RASSF10: variants seen among roughly 807,000 people sequenced by gnomAD.
The protein encoded by RASSF10 is ras association domain-containing protein 10.
RASSF10 carries 22 observed loss-of-function variants against 41.5 expected under a neutral mutation model. The ratio of observed to expected loss-of-function variants is 0.53; its 90% CI spans 0.38 to 0.76. The LOEUF (loss-of-function observed/expected upper bound fraction) is 0.76, where lower values mean the gene tolerates loss of function less well. RASSF10 is among the 30% of genes least tolerant of loss of function. The pLI, the probability that RASSF10 is intolerant of heterozygous loss-of-function variation, is 0.00. For missense variants in RASSF10, 776 were observed against 711.8 expected, an observed-to-expected ratio of 1.09 and a Z score of -1.03; for synonymous variants, 364 against 319.0, an observed-to-expected ratio of 1.14 and a Z score of -1.50.
rs1480100963 is a variant in RASSF10 at position 13,009,425 on chromosome 11, G to A, written c.-152G>A. ...CACAGCCGCAGTCGCTTTCCAGCCT[G>A]CCTTCGGTGCGCAGCGGGGGAACAG... On this transcript the variant is annotated 5_prime_UTR_variant, in exon 1 of 1. Transcript: ENST00000529419. 4 of 1,479,004 alleles carry A rather than the reference G, an allele frequency of 2.7e-6. No individual in the cohort carries two copies. The highest frequency in any genetic ancestry group is 3.6e-6 in the Non-Finnish European group (4 of 1,111,290). 91.6% of individuals were successfully genotyped at this position (1,479,004 alleles called of 1,614,324 possible).
In RASSF10 at chr11:13,010,254, G is replaced by A. The variant is rs574513866; in HGVS notation, c.678G>A (p.Glu226=). 3.3e-4 allele frequency: 520 copies of A among 1,574,688 alleles called. 7 individuals carry two copies. The South Asian group carries it at 5.8e-3, about 18-fold the overall frequency. ...THESASVERM[E]TLVHLVLSQD... The stretch of plus-strand genomic sequence containing the variant: ...AGAGCGCGTCGGTGGAGCGCATGGA[G>A]ACGCTGGTGCATCTGGTGCTTTCCC... The change falls in exon 1 of 1, where the codon GAG becomes GAA. Residue 226 remains glutamate (E), a synonymous_variant. Coordinates refer to ENST00000529419, the MANE Select transcript of RASSF10 (RefSeq NM_001080521.3). This position sits in a 1 kb window ranked among gnomAD's most constrained non-coding sequence, Gnocchi z 4.8.
Position 13,012,107 on chromosome 11 carries a change from G to T in RASSF10, c.*1007G>T, listed in dbSNP as rs1949584118. On this transcript the variant is annotated 3_prime_UTR_variant, in exon 1 of 1. Transcript: ENST00000529419. ...ATTAAAACCAACCATGACCTTAACG[G>T]ATTTTACCCAAACTCGTCTAACTTC... 1 of 152,148 alleles carries T rather than the reference G, an allele frequency of 6.6e-6. No homozygotes were observed. Among genetic ancestry groups the T allele is most frequent in the Admixed American group, 6.5e-5 (1 of 15,274 alleles). The allele number at this position is 152,148 out of a possible 1,614,324, so 9.4% of individuals were successfully genotyped here. A position where few individuals can be genotyped will look rare whatever the true frequency, so the allele number is the denominator to read the frequency against.
Position 13,009,500 on chromosome 11 carries a change from G to C in RASSF10, c.-77G>C, listed in dbSNP as rs1225122585. On this transcript the variant is annotated 5_prime_UTR_variant, in exon 1 of 1. Transcript: ENST00000529419. ...GCACGGGCTCCTCTCCCATCCCAGA[G>C]CTACTGGGCTGCCCTTGCTGTCCTC... The C allele has an allele frequency of 6.5e-7, 1 of 1,544,046 alleles. No individual in the cohort carries two copies. The highest frequency in any genetic ancestry group is 8.7e-7 in the Non-Finnish European group (1 of 1,145,612).
Position 13,010,551 on chromosome 11 carries a change from C to T in RASSF10, c.975C>T (p.Arg325=), listed in dbSNP as rs765301300. Residue 325 remains arginine (R), a synonymous_variant, in exon 1 of 1, where the codon CGC becomes CGT. Transcript: ENST00000529419. This position sits in a 1 kb window ranked among gnomAD's most constrained non-coding sequence, Gnocchi z 4.8. ...CGGCGCTGGAGGAGCTGGCCCGGCG[C>T]TGCGACGACTTGCTGCGGCTTCAGG... is the stretch of plus-strand genomic sequence containing the variant. The part of the protein sequence containing the change: ...QAAALEELAR[R]CDDLLRLQEQ... 1.9e-6 allele frequency: 3 copies of T among 1,539,784 alleles called. No individual in the cohort carries two copies. The highest frequency in any genetic ancestry group is 2.6e-6 in the Non-Finnish European group (3 of 1,140,748).
rs202055088 is a variant in RASSF10, at chr11:13,010,858, G to T, written c.1282G>T (p.Glu428Ter). ...GCAGCAATGGGACAGCAAGAAGCGCGAGCTACAGGGCCTTCTGCAAACTTT... is the reference window on the plus strand; with the variant it reads ...GCAGCAATGGGACAGCAAGAAGCGCTAGCTACAGGGCCTTCTGCAAACTTT... ...SQQQWDSKKR[E>*]LQGLLQTLHT... The change falls in exon 1 of 1, where the codon GAG (glutamate) becomes TAG (stop). Residue 428 changes from glutamate to a stop codon, truncating the protein, a stop_gained. Coordinates refer to ENST00000529419, the MANE Select transcript of RASSF10 (RefSeq NM_001080521.3). LOFTEE classifies it high-confidence loss of function. This position sits in a 1 kb window ranked among gnomAD's most constrained non-coding sequence, Gnocchi z 4.8. The T allele has an allele frequency of 6.2e-7, 1 of 1,613,932 alleles. No individual in the cohort carries two copies. The highest frequency in any genetic ancestry group is 1.1e-5 in the South Asian group (1 of 91,058).
rs1392922125 is a variant in RASSF10, at chr11:13,010,958, A to T, written c.1382A>T (p.Gln461Leu). The change falls in exon 1 of 1, where the codon CAA (glutamine) becomes CTA (leucine). Residue 461 changes from glutamine to leucine, a missense_variant. Coordinates refer to ENST00000529419, the MANE Select transcript of RASSF10 (RefSeq NM_001080521.3). This position sits in a 1 kb window ranked among gnomAD's most constrained non-coding sequence, Gnocchi z 4.8. ...SGSPSREPGPQACADMWVDQA... is the reference protein window; with the variant it reads ...SGSPSREPGPLACADMWVDQA... The stretch of plus-strand genomic sequence containing the variant: ...AGTCCCTCGCGGGAACCTGGGCCTC[A>T]AGCCTGCGCCGACATGTGGGTGGAC... 8 of 1,613,532 alleles carry T rather than the reference A, an allele frequency of 5.0e-6. No homozygotes were observed. The highest frequency in any genetic ancestry group is 5.9e-6 in the Non-Finnish European group (7 of 1,179,854).
rs916002660 is a variant in RASSF10 at position 13,011,735 on chromosome 11, C to T, written c.*635C>T. 3.3e-5 allele frequency: 5 copies of T among 152,222 alleles called. No individual in the cohort carries two copies. Among genetic ancestry groups the T allele is most frequent in the Admixed American group, 2.6e-4 (4 of 15,286 alleles). 9.4% of individuals were successfully genotyped at this position (152,222 alleles called of 1,614,324 possible). A position where few individuals can be genotyped will look rare whatever the true frequency, so the allele number is the denominator to read the frequency against. On this transcript the variant is annotated 3_prime_UTR_variant, in exon 1 of 1. Coordinates refer to ENST00000529419, the MANE Select transcript of RASSF10 (RefSeq NM_001080521.3). ...AAGGCTAAACTGTATCGAAGTCTAA[C>T]CCTGTATTTCCTCCTAGTAAACACA...
In RASSF10 at chr11:13,010,332, G is replaced by C. The variant is rs1471536079; in HGVS notation, c.756G>C (p.Glu252Asp). The C allele has an allele frequency of 1.9e-5, 29 of 1,551,474 alleles. No individual in the cohort carries two copies. The highest frequency in any genetic ancestry group is 2.5e-5 in the Non-Finnish European group (29 of 1,147,128). Residue 252 changes from glutamate (E) to aspartate (D), a missense_variant, in exon 1 of 1, where the codon GAG (glutamate) becomes GAC (aspartate). Transcript: ENST00000529419. This position sits in a 1 kb window ranked among gnomAD's most constrained non-coding sequence, Gnocchi z 4.8. ...QVQRLHELDR[E>D]IDHYEAKVHL... ...AGCGGCTCCACGAGCTGGACCGCGA[G>C]ATCGATCACTACGAGGCCAAGGTGC... is the stretch of plus-strand genomic sequence containing the variant.
Position 13,010,487 on chromosome 11 carries a change from C to A in RASSF10, c.911C>A (p.Ala304Glu), listed in dbSNP as rs1218256054. The A allele has an allele frequency of 1.3e-6, 2 of 1,513,850 alleles. No individual in the cohort carries two copies. The highest frequency in any genetic ancestry group is 1.4e-5 in the African/African-American group (1 of 71,718). The allele number at this position is 1,513,850 out of a possible 1,614,324, so 93.8% of individuals were successfully genotyped here. A position where few individuals can be genotyped will look rare whatever the true frequency, so the allele number is the denominator to read the frequency against. ...GAGGTGGCGGCGGAGGCGGAGGAGG[C>A]GGCGGCGGCGCCCCCTCTAGCCGGC... Reference protein sequence around the residue: ...PEEVAAEAEEAAAAPPLAGEA... With the variant: ...PEEVAAEAEEEAAAPPLAGEA... Residue 304 changes from alanine (A) to glutamate (E), a missense_variant, in exon 1 of 1, where the codon GCG becomes GAG. Coordinates refer to ENST00000529419, the MANE Select transcript of RASSF10 (RefSeq NM_001080521.3). The surrounding 1 kb of genome is among the most constrained non-coding windows in gnomAD (Gnocchi z 4.8).
In RASSF10 at chr11:13,010,968, C is replaced by T. The variant is rs1484673316; in HGVS notation, c.1392C>T (p.Ala464=). 6.2e-7 allele frequency: 1 copy of T among 1,613,694 alleles called. No homozygotes were observed. Among genetic ancestry groups the T allele is most frequent in the African/African-American group, 1.3e-5 (1 of 75,006 alleles). The change falls in exon 1 of 1, where the codon GCC becomes GCT. Residue 464 remains alanine (A), a synonymous_variant. Transcript: ENST00000529419. This position sits in a 1 kb window ranked among gnomAD's most constrained non-coding sequence, Gnocchi z 4.8. ...GGGAACCTGGGCCTCAAGCCTGCGC[C>T]GACATGTGGGTGGACCAGGCCCGTG... ...PSREPGPQAC[A]DMWVDQARGL...
chr11:13,010,977 G>T lies in RASSF10; in HGVS notation c.1401G>T (p.Trp467Cys). ...EPGPQACADM[W>C]VDQARGLAKS... ...GGCCTCAAGCCTGCGCCGACATGTG[G>T]GTGGACCAGGCCCGTGGACTGGCCA... Residue 467 changes from tryptophan (W) to cysteine (C), a missense_variant, in exon 1 of 1, where the codon TGG becomes TGT. Physicochemically the swap from Trp to Cys is radical, Grantham distance 215. Coordinates refer to ENST00000529419, the MANE Select transcript of RASSF10 (RefSeq NM_001080521.3). The surrounding 1 kb of genome is among the most constrained non-coding windows in gnomAD (Gnocchi z 4.8). 1.2e-6 allele frequency: 2 copies of T among 1,613,698 alleles called. No homozygotes were observed. The highest frequency in any genetic ancestry group is 1.7e-6 in the Non-Finnish European group (2 of 1,179,852).
chr11:13,011,054 A>G lies in RASSF10; in HGVS notation c.1478A>G (p.His493Arg). The G allele has an allele frequency of 6.4e-7, 1 of 1,554,712 alleles. No homozygotes were observed. Among genetic ancestry groups the G allele is most frequent in the Non-Finnish European group, 8.7e-7 (1 of 1,147,270 alleles). The stretch of plus-strand genomic sequence containing the variant: ...TCGGATACGGGACTGAGCTCTATGC[A>G]TAGCCAAGACTCGGACTCCTTGCCC... ...EDSDTGLSSM[H>R]SQDSDSLPMC... is the part of the protein sequence containing the mutation. Residue 493 changes from histidine (H) to arginine (R), a missense_variant, in exon 1 of 1, where the codon CAT becomes CGT. Physicochemically the swap from His to Arg is conservative, Grantham distance 29. Coordinates refer to ENST00000529419, the MANE Select transcript of RASSF10 (RefSeq NM_001080521.3).
chr11:13,011,333 A>G lies in RASSF10; in HGVS notation c.*233A>G. The G allele has an allele frequency of 2.1e-6, 1 of 487,508 alleles. No homozygotes were observed. Among genetic ancestry groups the G allele is most frequent in the Non-Finnish European group, 3.6e-6 (1 of 274,242 alleles). The allele number at this position is 487,508 out of a possible 1,614,324, so 30.2% of individuals were successfully genotyped here. ...ACAAGCTCATTAAAGAGAGGGAAGG[A>G]GGGAGGAGGCAAGAACCCCCTATAC... On this transcript the variant is annotated 3_prime_UTR_variant, in exon 1 of 1. Coordinates refer to ENST00000529419, the MANE Select transcript of RASSF10 (RefSeq NM_001080521.3).
chr11:13,010,039 T>C lies in RASSF10; in HGVS notation c.463T>C (p.Cys155Arg). 1 of 1,545,188 alleles carries C rather than the reference T, an allele frequency of 6.5e-7. No homozygotes were observed. Among genetic ancestry groups the C allele is most frequent in the Non-Finnish European group, 8.7e-7 (1 of 1,143,954 alleles). The change falls in exon 1 of 1, where the codon TGT becomes CGT. Residue 155 changes from cysteine (C) to arginine (R), a missense_variant. Physicochemically the swap from Cys to Arg is radical, Grantham distance 180. Coordinates refer to ENST00000529419, the MANE Select transcript of RASSF10 (RefSeq NM_001080521.3). This position sits in a 1 kb window ranked among gnomAD's most constrained non-coding sequence, Gnocchi z 4.8. ...CGTAGTGCTGAGCCGAGAGCGCCCC[T>C]GTCCGGCCCGCGGGGCCCCGGCGCG... ...ARVVLSRERP[C>R]PARGAPARPS...
At position 13,009,510 on chromosome 11, in the gene RASSF10, TGC is replaced by T; in HGVS notation, c.-66_-65del. ...CTCTCCCATCCCAGAGCTACTGGGC[TGC>T]CCTTGCTGTCCTCGCCGCCCCAGCA... On this transcript the variant is annotated 5_prime_UTR_variant, in exon 1 of 1. Coordinates refer to ENST00000529419, the MANE Select transcript of RASSF10 (RefSeq NM_001080521.3). The T allele has an allele frequency of 6.4e-7, 1 of 1,560,258 alleles. No homozygotes were observed. Among genetic ancestry groups the T allele is most frequent in the Non-Finnish European group, 8.7e-7 (1 of 1,152,498 alleles).
rs761438895 is a variant in RASSF10 at position 13,010,058 on chromosome 11, C to G, written c.482C>G (p.Pro161Arg). 5 of 1,545,932 alleles carry G rather than the reference C, an allele frequency of 3.2e-6. No individual in the cohort carries two copies. The Admixed American group carries it at 5.9e-5, about 18-fold the overall frequency. The change falls in exon 1 of 1, where the codon CCG becomes CGG. Residue 161 changes from proline to arginine, a missense_variant. By Grantham distance (103) the Pro-to-Arg change is moderately radical. Transcript: ENST00000529419. The surrounding 1 kb of genome is among the most constrained non-coding windows in gnomAD (Gnocchi z 4.8). ...CGCCCCTGTCCGGCCCGCGGGGCCC[C>G]GGCGCGGCCCAGCCTGGCCATGACC... ...RERPCPARGA[P>R]ARPSLAMTQE... is the part of the protein sequence containing the mutation.
At position 13,009,449 on chromosome 11, in the gene RASSF10, A is replaced by C; in HGVS notation, c.-128A>C. 6.7e-7 allele frequency: 1 copy of C among 1,500,440 alleles called. No homozygotes were observed. Among genetic ancestry groups the C allele is most frequent in the South Asian group, 1.3e-5 (1 of 74,108 alleles). 92.9% of individuals were successfully genotyped at this position (1,500,440 alleles called of 1,614,324 possible). ...TGCCTTCGGTGCGCAGCGGGGGAAC[A>C]GGGCTAGTGCAGCCGCCGGAGGGGG... On this transcript the variant is annotated 5_prime_UTR_variant, in exon 1 of 1. Transcript: ENST00000529419.
Position 13,010,277 on chromosome 11 carries a change from C to G in RASSF10, c.701C>G (p.Ser234Cys). The change falls in exon 1 of 1, where the codon TCC (serine) becomes TGC (cysteine). Residue 234 changes from serine to cysteine, a missense_variant. Ser to Cys is a moderately radical substitution (Grantham distance 112, BLOSUM62 -1). Transcript: ENST00000529419. This position sits in a 1 kb window ranked among gnomAD's most constrained non-coding sequence, Gnocchi z 4.8. The stretch of plus-strand genomic sequence containing the variant: ...GAGACGCTGGTGCATCTGGTGCTTT[C>G]CCAGGACCACACAATTCGCCAGCAG... ...RMETLVHLVL[S>C]QDHTIRQQVQ... 6.4e-7 allele frequency: 1 copy of G among 1,560,430 alleles called. No homozygotes were observed. The highest frequency in any genetic ancestry group is 8.7e-7 in the Non-Finnish European group (1 of 1,152,522).
chr11:13,010,700 C>T lies in RASSF10; in HGVS notation c.1124C>T (p.Pro375Leu). The change falls in exon 1 of 1, where the codon CCC (proline) becomes CTC (leucine). Residue 375 changes from proline to leucine, a missense_variant. By Grantham distance (98) the Pro-to-Leu change is moderately conservative (BLOSUM62 -3). Coordinates refer to ENST00000529419, the MANE Select transcript of RASSF10 (RefSeq NM_001080521.3). This position sits in a 1 kb window ranked among gnomAD's most constrained non-coding sequence, Gnocchi z 4.8. ...ELAAREEPLE[P>L]DGGPDGELLL... ...GCGGCGCGGGAGGAGCCCCTGGAGC[C>T]CGACGGTGGCCCCGACGGCGAGCTG... 1.3e-6 allele frequency: 2 copies of T among 1,592,234 alleles called. No homozygotes were observed. Among genetic ancestry groups the T allele is most frequent in the Non-Finnish European group, 1.7e-6 (2 of 1,170,172 alleles).
Sources: allele counts gnomAD v4.1 joint callset, GRCh38; gene constraint gnomAD v4.1.1; non-coding constraint Gnocchi (gnomAD v3.1); transcripts MANE v1.5; gene names NCBI Gene and HGNC (gene_info 2026-07-23, HGNC 2026-07-21).